PLAUR: variants seen among roughly 807,000 people sequenced by gnomAD.
PLAUR encodes the protein urokinase plasminogen activator surface receptor.
A neutral mutation model predicts 33.4 loss-of-function variants in PLAUR; 22 were observed. The ratio of observed to expected loss-of-function variants is 0.66; its 90% CI spans 0.47 to 0.94. PLAUR has a LOEUF of 0.94. PLAUR is among the 40% of genes least tolerant of loss of function. The pLI, the probability that PLAUR is intolerant of heterozygous loss-of-function variation, is 0.00. For synonymous variants in PLAUR, 148 were observed against 167.3 expected, an observed-to-expected ratio of 0.88 and a Z score of 0.89; for missense variants, 408 against 434.7, an observed-to-expected ratio of 0.94 and a Z score of 0.55.
chr19:43,659,319 G>A (rs2283629), intron 3 of PLAUR, among the ~76,000 whole-genome samples: 11,482 of 151,862 alleles, frequency 0.076, 472 homozygotes, highest in South Asian at 0.091. Flanking sequence ...TCACCTGGCT[G>A]ATTCCTGTAT....
chr19:43,652,133 C>T (rs988968816), intron 6 of PLAUR, 92 bp downstream of exon 6: 9 of 1,565,912 alleles, frequency 5.7e-6, no homozygotes, highest in East Asian at 4.5e-5. Flanking sequence ...GGAGACCCAC[C>T]ACAGTTAACT....
intron 1 of PLAUR, 163 bp from the exon 2 acceptor site, chr19:43,667,854 T>C (rs2146291430): frequency 2.1e-6 from 3 of 1,447,168 alleles, no homozygotes; most frequent in Non-Finnish European, 2.7e-6. Flanking sequence ...TTCCAGTCTG[T>C]CCGTTGTCCA....
chr19:43,656,800 C>G (rs994266273), intron 3 of PLAUR, 160 bp from the exon 4 acceptor site: 7 of 599,618 alleles, frequency 1.2e-5, no homozygotes, highest in African/African-American at 1.9e-5. Flanking sequence ...GAATCCACCC[C>G]CTCCTTTCCA....
At chr19:43,655,398 C>T (rs1001467953) in intron 5 of PLAUR, 41 bp downstream of exon 5, 5 of 1,606,444 alleles carry the variant, frequency 3.1e-6, no homozygotes, top group Non-Finnish European at 4.3e-6. Context: ...GTGCATGCCC[C>T]TGCCCGACCC....
rs142217735 is a variant in PLAUR, at chr19:43,666,374, C to T, written c.167-915G>A. 1.7e-4 allele frequency among the ~76,000 whole-genome samples: 26 copies of T among 152,162 alleles called. No homozygotes were observed. In the East Asian group the frequency reaches 4.6e-3, roughly 27 times the overall value. Reference sequence around the variant, plus strand: ...TTTCCTTCTTTAAGCTGCAGTAGAGCGCTCCATTATGTAATTATTACCACA... The same window carrying T: ...TTTCCTTCTTTAAGCTGCAGTAGAGTGCTCCATTATGTAATTATTACCACA... On this transcript the variant is annotated intron_variant, in intron 2 of 6. Transcript: ENST00000340093.
chr19:43,649,158 G>T lies in PLAUR; in HGVS notation c.755-15C>A, dbSNP rs1015164260. On this transcript the variant is annotated splice_polypyrimidine_tract_variant and intron_variant, in intron 6 of 6. Coordinates refer to ENST00000340093, the MANE Select transcript of PLAUR (RefSeq NM_002659.4). ...GTTTTTCGGTTCTGAGGAAAGAGAA[G>T]ACGGAGTGAGACTTCCAGCTCCTGG... 1.3e-6 allele frequency: 2 copies of T among 1,598,310 alleles called. No individual in the cohort carries two copies. The highest frequency in any genetic ancestry group is 1.7e-6 in the Non-Finnish European group (2 of 1,166,642).
chr19:43,648,816 T>C lies in PLAUR; in HGVS notation c.*74A>G. ...CTGGCCTGAGGTCACACAGCAAGTC[T>C]GTAGGGCTGGGAGCCGAGGGAAGGG... On this transcript the variant is annotated 3_prime_UTR_variant, in exon 7 of 7. Coordinates refer to ENST00000340093, the MANE Select transcript of PLAUR (RefSeq NM_002659.4). The C allele has an allele frequency of 6.7e-7, 1 of 1,497,778 alleles. No homozygotes were observed. Among genetic ancestry groups the C allele is most frequent in the Non-Finnish European group, 9.1e-7 (1 of 1,094,478 alleles). 92.8% of individuals were successfully genotyped at this position (1,497,778 alleles called of 1,614,324 possible). A position where few individuals can be genotyped will look rare whatever the true frequency, so the allele number is the denominator to read the frequency against.
At chr19:43,658,300 A>G (rs995551436) in intron 3 of PLAUR, among the ~76,000 whole-genome samples, 1 of 152,194 alleles carries the variant, frequency 6.6e-6, no homozygotes, top group Non-Finnish European at 1.5e-5. Context: ...AAGCTACCTT[A>G]GGAGCCTTCA....
chr19:43,655,449 G>T lies in PLAUR; in HGVS notation c.597C>A (p.Asn199Lys), dbSNP rs762733968. ...TCTCCCGTTCCTTACTTGGGCCCTC[G>T]TTGCATTTGGTGGTGTTGCAGCATT... The part of the protein sequence containing the change: ...FLKCCNTTKC[N>K]EGPILELENL... The change falls in exon 5 of 7, where the codon AAC becomes AAA. Residue 199 changes from asparagine (N) to lysine (K), a missense_variant. Transcript: ENST00000340093. The T allele has an allele frequency of 6.2e-7, 1 of 1,614,082 alleles. No individual in the cohort carries two copies. Among genetic ancestry groups the T allele is most frequent in the South Asian group, 1.1e-5 (1 of 91,080 alleles).
chr19:43,668,858 C>T (rs1967394025), intron 1 of PLAUR, among the ~76,000 whole-genome samples: 1 of 151,868 alleles, frequency 6.6e-6, no homozygotes, highest in Admixed American at 6.6e-5. Flanking sequence ...CTAGCTCTTC[C>T]TCGGTCTGTA....
At chr19:43,654,817 G>A (rs1974136535) in intron 5 of PLAUR, among the ~76,000 whole-genome samples, 1 of 152,130 alleles carries the variant, frequency 6.6e-6, no homozygotes, top group Non-Finnish European at 1.5e-5. Context: ...AGACCAGAGA[G>A]GAGGTCATTG....
At position 43,667,482 on chromosome 19, in the gene PLAUR, T is replaced by A. The variant is rs75774855; in HGVS notation, c.166+99A>T. 924 of 811,242 alleles carry A rather than the reference T, an allele frequency of 1.1e-3. 5 individuals carry two copies. In the African/African-American group the frequency reaches 0.014, roughly 12 times the overall value. 50.3% of individuals were successfully genotyped at this position (811,242 alleles called of 1,614,324 possible). On this transcript the variant is annotated intron_variant, in intron 2 of 6. Transcript: ENST00000340093. ...GAAATGGGCTCTCCTTGTTTGTTTG[T>A]TTTTAGTTTGCATGTCCCAGTTACT... is the stretch of plus-strand genomic sequence containing the variant.
intron 3 of PLAUR, chr19:43,660,611 C>A (rs530592160): frequency 2.6e-5 from 4 of 151,888 alleles, no homozygotes; most frequent in African/African-American, 9.7e-5. Context: ...CTGCTTCAAC[C>A]CCTCCTTAGA....
intron 5 of PLAUR, among the ~76,000 whole-genome samples, chr19:43,653,038 C>T (rs1041681021): frequency 6.6e-6 from 1 of 152,042 alleles, no homozygotes. Context: ...GTCTCAAACT[C>T]CTGGCCTCAG....
At chr19:43,667,881 C>A in intron 1 of PLAUR, 190 bp from the exon 2 acceptor site, 1 of 1,424,704 alleles carries the variant, frequency 7.0e-7, no homozygotes, top group Admixed American at 2.7e-5. Flanking sequence ...ACCTCCACCC[C>A]ACTAACTGAA....
Position 43,652,216 on chromosome 19 carries a change from G to A in PLAUR, c.754+9C>T. 6.2e-7 allele frequency: 1 copy of A among 1,613,858 alleles called. No homozygotes were observed. The highest frequency in any genetic ancestry group is 1.3e-5 in the African/African-American group (1 of 75,030). On this transcript the variant is annotated intron_variant, in intron 6 of 6. Transcript: ENST00000340093. ...AAGTGTTCCCTCCCAGCCTCGGAGAGGGCCTCACCGTGAGTGCCGGTGGCT... is the reference window on the plus strand; with the variant it reads ...AAGTGTTCCCTCCCAGCCTCGGAGAAGGCCTCACCGTGAGTGCCGGTGGCT...
At chr19:43,662,902 G>A (rs1297078704) in intron 3 of PLAUR, among the ~76,000 whole-genome samples, 1 of 152,082 alleles carries the variant, frequency 6.6e-6, no homozygotes. Flanking sequence ...TTTTTGTAGA[G>A]TCATGTTGCC....
intron 5 of PLAUR, 126 bp from the exon 6 acceptor site, chr19:43,652,497 G>T: frequency 1.1e-6 from 1 of 888,536 alleles, no homozygotes; most frequent in Non-Finnish European, 1.7e-6. Context: ...GTGGTCAGGC[G>T]TCTGAATGGC....
chr19:43,662,475 G>A (rs1600136984), intron 3 of PLAUR, among the ~76,000 whole-genome samples: 2 of 152,172 alleles, frequency 1.3e-5, no homozygotes, highest in East Asian at 3.9e-4. Context: ...TCCAGCCTGG[G>A]CAAAAAGAGC....
Sources: gnomAD v4.1 joint callset for allele counts (sites outside exome capture counted in the v4.1 genomes callset) on GRCh38, gnomAD v4.1.1 for gene constraint, MANE v1.5 for transcripts, NCBI Gene and HGNC (gene_info 2026-07-23, HGNC 2026-07-21) for gene names.